The following ZEB2 variants were observed in gnomAD, a reference collection of about 807,000 sequenced individuals.
The protein encoded by ZEB2 is zinc finger E-box-binding homeobox 2.
A neutral mutation model predicts 99.9 loss-of-function variants in ZEB2; 6 were observed. The observed-to-expected ratio is 0.06, with a 90% confidence interval of 0.03 to 0.12. The LOEUF is 0.12. ZEB2 is among the 10% of genes least tolerant of loss of function. ZEB2 has a pLI of 1.00. For synonymous variants in ZEB2, 517 were observed against 542.5 expected (o/e 0.95, Z 0.65); for missense variants, 969 against 1,502.8 (o/e 0.64, Z 5.87).
chr2:144,414,022 A>G (rs564401560), intron 4 of ZEB2, among the ~76,000 whole-genome samples: 15 of 152,314 alleles, frequency 9.8e-5, no homozygotes, highest in African/African-American at 3.6e-4. Flanking sequence ...ATTGCTGGCT[A>G]GGCTGCCAAC....
chr2:144,422,247 T>C (rs1239085877), intron 4 of ZEB2, among the ~76,000 whole-genome samples: 1 of 152,202 alleles, frequency 6.6e-6, no homozygotes, highest in East Asian at 1.9e-4. Context: ...TTCTCCACCA[T>C]CTGGCTTTAA....
At chr2:144,472,156 A>G (rs549371800) in intron 2 of ZEB2, among the ~76,000 whole-genome samples, 1 of 152,222 alleles carries the variant, frequency 6.6e-6, no homozygotes, top group African/African-American at 2.4e-5. Flanking sequence ...TTTTATAAGC[A>G]GAGTATTAAC....
intron 2 of ZEB2, among the ~76,000 whole-genome samples, chr2:144,457,077 T>C (rs578003352): frequency 1.3e-5 from 2 of 152,304 alleles, no homozygotes; most frequent in Non-Finnish European, 2.9e-5. Context: ...TTAGTCCCTA[T>C]AGACTTTCTA....
At chr2:144,412,576 C>T (rs1290582106) in intron 4 of ZEB2, among the ~76,000 whole-genome samples, 1 of 152,196 alleles carries the variant, frequency 6.6e-6, no homozygotes, top group Non-Finnish European at 1.5e-5. Context: ...ACCTATGGAA[C>T]CAGCAATCTG....
chr2:144,439,344 G>C (rs1703877761), intron 2 of ZEB2, among the ~76,000 whole-genome samples: 1 of 152,110 alleles, frequency 6.6e-6, no homozygotes, highest in Non-Finnish European at 1.5e-5. Context: ...GGAGCAAAAG[G>C]GGTAGAAAAG....
chr2:144,440,279 C>T (rs373626767), intron 2 of ZEB2, among the ~76,000 whole-genome samples: 1 of 151,924 alleles, frequency 6.6e-6, no homozygotes, highest in Non-Finnish European at 1.5e-5. Flanking sequence ...ACTTAAGAGA[C>T]GCTTGGTATA....
At position 144,446,333 on chromosome 2, in the gene ZEB2, CCTT is replaced by C. The variant is rs1191422083; in HGVS notation, c.74-16310_74-16308del. Among the ~76,000 whole-genome samples, 7 of 151,948 alleles carry C rather than the reference CCTT, an allele frequency of 4.6e-5. No individual in the cohort carries two copies. In the East Asian group the frequency reaches 7.7e-4, roughly 17 times the overall value. Reference sequence around the variant, plus strand: ...CGTCCTTCCACATCCTTCCTTCCTCCCTTCTTTTCTCCCTCCCTTCCTTGCTTC... The same window carrying C: ...CGTCCTTCCACATCCTTCCTTCCTCCCTTTTCTCCCTCCCTTCCTTGCTTC... On this transcript the variant is annotated intron_variant, in intron 2 of 9. Transcript: ENST00000627532.
chr2:144,401,959 G>A (rs1703316720), intron 6 of ZEB2, among the ~76,000 whole-genome samples: 1 of 152,174 alleles, frequency 6.6e-6, no homozygotes, highest in Admixed American at 6.5e-5. Context: ...TCGCCTATCA[G>A]ATTTGATTCA....
chr2:144,511,139 G>A (rs1315788750), intron 2 of ZEB2, among the ~76,000 whole-genome samples: 4 of 152,124 alleles, frequency 2.6e-5, no homozygotes, highest in East Asian at 1.9e-4. Context: ...GACCACACGC[G>A]AAATCAGACC....
At chr2:144,499,660 T>A (rs1264097066) in intron 2 of ZEB2, among the ~76,000 whole-genome samples, 1 of 152,226 alleles carries the variant, frequency 6.6e-6, no homozygotes, top group Non-Finnish European at 1.5e-5. Flanking sequence ...TCTTAAACTT[T>A]AAAAATTTAA....
intron 2 of ZEB2, among the ~76,000 whole-genome samples, chr2:144,464,990 C>G (rs538658495): frequency 1.3e-5 from 2 of 152,218 alleles, no homozygotes; most frequent in Admixed American, 1.3e-4. Flanking sequence ...AATTGCTGGC[C>G]ACTACTGTTC....
chr2:144,482,204 G>A (rs1704522868), intron 2 of ZEB2: 1 of 152,056 alleles, frequency 6.6e-6, no homozygotes, highest in African/African-American at 2.4e-5. Context: ...TACATCTTAA[G>A]GTTTCTTTTT....
At chr2:144,495,670 T>C (rs1704747938) in intron 2 of ZEB2, 1 of 152,290 alleles carries the variant, frequency 6.6e-6, no homozygotes. Flanking sequence ...GTGCATGTTC[T>C]GCACAGAGAT....
At chr2:144,470,024 C>G (rs1433583904) in intron 2 of ZEB2, among the ~76,000 whole-genome samples, 2 of 152,198 alleles carry the variant, frequency 1.3e-5, no homozygotes, top group African/African-American at 2.4e-5. Flanking sequence ...GCTTGCTTGG[C>G]AGTGCCTGAA....
At chr2:144,405,771 T>C (rs779780721) in intron 4 of ZEB2, among the ~76,000 whole-genome samples, 15 of 152,238 alleles carry the variant, frequency 9.9e-5, no homozygotes, top group Admixed American at 2.0e-4. Flanking sequence ...GTGATTTTGA[T>C]GTGACTTTAA....
At position 144,429,918 on chromosome 2, in the gene ZEB2, C is replaced by T; in HGVS notation, c.182G>A (p.Ser61Asn). 6.2e-7 allele frequency: 1 copy of T among 1,613,856 alleles called. No homozygotes were observed. The highest frequency in any genetic ancestry group is 8.5e-7 in the Non-Finnish European group (1 of 1,179,900). ...CTCATGGTTGGGCACACTAGCTGGACTCGTCTCCTGGTCCAGAGGGTTGGC... is the reference window on the plus strand; with the variant it reads ...CTCATGGTTGGGCACACTAGCTGGATTCGTCTCCTGGTCCAGAGGGTTGGC... ...GIANPLDQET[S>N]PASVPNHESS... Residue 61 changes from serine to asparagine, a missense_variant, in exon 3 of 10, where the codon AGT (serine) becomes AAT (asparagine). Ser to Asn is a conservative substitution (Grantham distance 46, BLOSUM62 1). Around this residue, in one of 8 missense-constraint regions of ZEB2, gnomAD observed 173 missense variants for 217.7 expected, o/e 0.79. Coordinates refer to ENST00000627532, the MANE Select transcript of ZEB2 (RefSeq NM_014795.4).
chr2:144,501,730 T>G (rs778560056), intron 2 of ZEB2, among the ~76,000 whole-genome samples: 1 of 152,200 alleles, frequency 6.6e-6, no homozygotes. Flanking sequence ...AAATTCACTT[T>G]ATATATTAAG....
At chr2:144,447,205 C>T (rs116274737) in intron 2 of ZEB2, among the ~76,000 whole-genome samples, 1 of 152,042 alleles carries the variant, frequency 6.6e-6, no homozygotes, top group East Asian at 1.9e-4. Flanking sequence ...AGTACTTGGT[C>T]GGTAATAGCC....
chr2:144,396,698 A>G (rs529254364), intron 8 of ZEB2, 106 bp from the exon 9 acceptor site: 1 of 1,243,710 alleles, frequency 8.0e-7, no homozygotes, highest in East Asian at 2.6e-5. Flanking sequence ...CTTGCTACTA[A>G]TTGATTGAGT....
Sources: gnomAD v4.1 joint callset for allele counts (sites outside exome capture counted in the v4.1 genomes callset) on GRCh38, gnomAD v4.1.1 for gene constraint, gnomAD v4.1.1 regional missense constraint, MANE v1.5 for transcripts, NCBI Gene and HGNC (gene_info 2026-07-23, HGNC 2026-07-21) for gene names.